DNAH8: variants seen among roughly 807,000 people sequenced by gnomAD.
DNAH8 encodes axonemal beta dynein heavy chain 8.
In DNAH8, 382 loss-of-function variants were observed where a neutral mutation model predicts 562.1. The observed-to-expected ratio is 0.68, with a 90% CI of 0.63 to 0.74. The LOEUF (loss-of-function observed/expected upper bound fraction) is 0.74. Ranked by LOEUF, DNAH8 falls within the 30% of genes least tolerant of loss-of-function variation. DNAH8 has a pLI of 0.00. For synonymous variants in DNAH8, 1,881 were observed against 1,919.4 expected, an observed-to-expected ratio of 0.98 and a Z score of 0.52; for missense variants, 5,203 against 5,620.4, an observed-to-expected ratio of 0.93 and a Z score of 2.37.
At chr6:38,795,486 A>G (rs912570529) in intron 21 of DNAH8, among the ~76,000 whole-genome samples, 58 of 151,144 alleles carry the variant, frequency 3.8e-4, no homozygotes, top group Non-Finnish European at 8.3e-4. Context: ...AGGCTGAGGC[A>G]GGAGAATGGC....
chr6:38,758,655 G>A (rs1433229891), intron 10 of DNAH8, among the ~76,000 whole-genome samples: 1 of 151,684 alleles, frequency 6.6e-6, no homozygotes, highest in Non-Finnish European at 1.5e-5. Context: ...GTATGATATT[G>A]GCTGTGGGTT....
chr6:38,935,024 A>G (rs1414304888), intron 76 of DNAH8, among the ~76,000 whole-genome samples: 1 of 152,206 alleles, frequency 6.6e-6, no homozygotes. Context: ...AGAAGAAAAA[A>G]ACTCCTGTAA....
chr6:38,943,495 T>A (rs903661414), intron 79 of DNAH8, among the ~76,000 whole-genome samples: 6 of 152,200 alleles, frequency 3.9e-5, no homozygotes, highest in Non-Finnish European at 7.3e-5. Context: ...TTTTTTTGTT[T>A]GTTTCAATTA....
At chr6:38,890,564 C>G (rs1410013813) in intron 57 of DNAH8, 88 bp from the exon 58 acceptor site, 1 of 950,714 alleles carries the variant, frequency 1.1e-6, no homozygotes, top group Non-Finnish European at 1.7e-6. Flanking sequence ...CCAGCTTAGT[C>G]AGCCTTGTAA....
chr6:38,888,632 G>T (rs763190904), intron 57 of DNAH8, among the ~76,000 whole-genome samples: 1 of 152,136 alleles, frequency 6.6e-6, no homozygotes, highest in Non-Finnish European at 1.5e-5. Context: ...ACAAAGTAAA[G>T]ATGGTAAACA....
At chr6:38,915,646 T>A (rs999970702) in intron 68 of DNAH8, among the ~76,000 whole-genome samples, 3 of 152,202 alleles carry the variant, frequency 2.0e-5, no homozygotes, top group Non-Finnish European at 2.9e-5. Flanking sequence ...TGTGAGAAAT[T>A]CAGATTACGC....
At chr6:38,893,643 T>C (rs1011047910) in intron 58 of DNAH8, among the ~76,000 whole-genome samples, 2 of 152,234 alleles carry the variant, frequency 1.3e-5, no homozygotes, top group Non-Finnish European at 2.9e-5. Flanking sequence ...GGGAAGTTGA[T>C]AGGTGATTGA....
At chr6:38,939,089 A>G in intron 79 of DNAH8, 101 bp downstream of exon 79, 1 of 897,878 alleles carries the variant, frequency 1.1e-6, no homozygotes, top group East Asian at 2.6e-5. Flanking sequence ...TAGGGAAATG[A>G]TGTTCTAACG....
chr6:38,822,024 T>G (rs934074310), intron 26 of DNAH8, among the ~76,000 whole-genome samples: 1 of 152,194 alleles, frequency 6.6e-6, no homozygotes, highest in African/African-American at 2.4e-5. Context: ...ATACATATAG[T>G]GATACACAGG....
chr6:38,787,191 C>T (rs138176935), intron 18 of DNAH8, among the ~76,000 whole-genome samples: 26 of 151,960 alleles, frequency 1.7e-4, no homozygotes, highest in African/African-American at 4.3e-4. Flanking sequence ...TAATGACTGA[C>T]GAAATAGCAA....
At chr6:38,717,970 T>G (rs1332134952) in intron 1 of DNAH8, among the ~76,000 whole-genome samples, 1 of 152,156 alleles carries the variant, frequency 6.6e-6, no homozygotes, top group Non-Finnish European at 1.5e-5. Flanking sequence ...ACTTTAAAAA[T>G]TTTATGCGAG....
rs145128133 is a variant in DNAH8, at chr6:38,906,129, G to T, written c.9195-125G>T. 6 of 475,656 alleles carry T rather than the reference G, an allele frequency of 1.3e-5. No homozygotes were observed. The East Asian group carries it at 2.0e-4, about 16-fold the overall frequency. 29.5% of individuals were successfully genotyped at this position (475,656 alleles called of 1,614,324 possible). On this transcript the variant is annotated intron_variant, in intron 62 of 92. Coordinates refer to ENST00000327475, the MANE Select transcript of DNAH8 (RefSeq NM_001206927.2). ...TCACCATGTTGGTCAGGATGGTCTC[G>T]ATCTCCTGACCTCGTGATCCACCCG...
chr6:38,922,215 C>A (rs1781766113), intron 71 of DNAH8, among the ~76,000 whole-genome samples: 1 of 151,106 alleles, frequency 6.6e-6, no homozygotes, highest in Non-Finnish European at 1.5e-5. Context: ...CCTAATATAA[C>A]CTCTTGGGAT....
intron 77 of DNAH8, among the ~76,000 whole-genome samples, chr6:38,937,557 AG>A (rs1783074177): frequency 6.6e-6 from 1 of 152,116 alleles, no homozygotes; most frequent in African/African-American, 2.4e-5. Context: ...TGAAGTGTTC[AG>A]GTTAGCTACA....
chr6:38,809,205 C>A (rs973523378), intron 24 of DNAH8, among the ~76,000 whole-genome samples: 6 of 151,434 alleles, frequency 4.0e-5, no homozygotes, highest in African/African-American at 1.5e-4. Context: ...TAACAAATGT[C>A]TTTTGTCAGT....
At chr6:38,908,877 G>A (rs1374879599) in intron 64 of DNAH8, among the ~76,000 whole-genome samples, 1 of 152,116 alleles carries the variant, frequency 6.6e-6, no homozygotes, top group Non-Finnish European at 1.5e-5. Context: ...GTGCTTAGTA[G>A]TCATGTGTGG....
chr6:38,788,150 T>C (rs543861433), intron 18 of DNAH8, among the ~76,000 whole-genome samples: 474 of 99,306 alleles, frequency 4.8e-3, no homozygotes, highest in South Asian at 0.011. Context: ...TTTCAGACTT[T>C]TCCTGTTTTT....
intron 12 of DNAH8, among the ~76,000 whole-genome samples, chr6:38,775,329 C>T (rs1391784513): frequency 6.6e-6 from 1 of 152,110 alleles, no homozygotes; most frequent in Non-Finnish European, 1.5e-5. Flanking sequence ...AGTCTTTTAC[C>T]AGAACACAGG....
chr6:38,717,345 A>G (rs1016757433), intron 1 of DNAH8, among the ~76,000 whole-genome samples: 54 of 152,088 alleles, frequency 3.6e-4, no homozygotes, highest in African/African-American at 1.1e-3. Context: ...ATTTTTTAAG[A>G]TAGGTTCTCA....
Sources: gnomAD v4.1 joint callset for allele counts (sites outside exome capture counted in the v4.1 genomes callset) on GRCh38, gnomAD v4.1.1 for gene constraint, MANE v1.5 for transcripts, NCBI Gene and HGNC (gene_info 2026-07-23, HGNC 2026-07-21) for gene names.